The following UHRF2 variants were observed in gnomAD, a reference collection of about 807,000 sequenced individuals.
UHRF2 encodes the protein E3 ubiquitin-protein ligase UHRF2.
A neutral mutation model predicts 96.8 loss-of-function variants in UHRF2; 23 were observed. That is an observed-to-expected ratio of 0.24 (90% CI 0.17 to 0.34). The LOEUF (loss-of-function observed/expected upper bound fraction) is 0.34. Among genes scored for constraint, UHRF2 ranks in the 10% least tolerant of loss-of-function variants. The pLI is 1.00. For synonymous variants in UHRF2, 385 were observed against 332.6 expected (o/e 1.16, Z -1.72); for missense variants, 685 against 981.5 (o/e 0.70, Z 4.04).
chr9:6,504,011 A>C (rs1816444294), intron 14 of UHRF2, among the ~76,000 whole-genome samples: 1 of 146,930 alleles, frequency 6.8e-6, no homozygotes, highest in African/African-American at 2.6e-5. Flanking sequence ...TTTTAAATAG[A>C]AGACTTTTTT....
At chr9:6,484,935 A>G (rs1824177931) in intron 8 of UHRF2, among the ~76,000 whole-genome samples, 1 of 151,698 alleles carries the variant, frequency 6.6e-6, no homozygotes, top group Non-Finnish European at 1.5e-5. Context: ...CTGGTATTAC[A>G]GGTATACGTC....
At chr9:6,425,108 AAAGT>A (rs1820171472) in intron 2 of UHRF2, among the ~76,000 whole-genome samples, 1 of 152,190 alleles carries the variant, frequency 6.6e-6, no homozygotes, top group African/African-American at 2.4e-5. Context: ...TGTTGGAGAG[AAAGT>A]CACTGTACAG....
chr9:6,502,714 C>A (rs1816366320), intron 14 of UHRF2, among the ~76,000 whole-genome samples: 1 of 152,140 alleles, frequency 6.6e-6, no homozygotes, highest in Non-Finnish European at 1.5e-5. Flanking sequence ...TTGTAGCTAC[C>A]TGTAACTCAA....
chr9:6,468,605 T>C (rs2130870294), intron 4 of UHRF2: 2 of 455,670 alleles, frequency 4.4e-6, no homozygotes, highest in East Asian at 7.0e-5. Context: ...GTCAGCAGAG[T>C]TTTTGGCAGA....
chr9:6,487,176 T>TTATTTTTTATTTTTA (rs1563799186), intron 9 of UHRF2, among the ~76,000 whole-genome samples: 20 of 142,338 alleles, frequency 1.4e-4, no homozygotes, highest in African/African-American at 4.7e-4. Flanking sequence ...CTTTTATTTT[T>TTATTTTTTATTTTTA]TTTTCCTTTT....
chr9:6,483,821 C>A (rs1824078335), intron 8 of UHRF2, among the ~76,000 whole-genome samples: 2 of 152,158 alleles, frequency 1.3e-5, no homozygotes, highest in Admixed American at 6.5e-5. Context: ...TCCCAAGTAG[C>A]TGGGATTACA....
At chr9:6,491,022 G>A (rs1041311125) in intron 9 of UHRF2, among the ~76,000 whole-genome samples, 2 of 152,140 alleles carry the variant, frequency 1.3e-5, no homozygotes, top group Non-Finnish European at 2.9e-5. Flanking sequence ...TTCTGTCTGG[G>A]TGAATGGATG....
chr9:6,455,752 A>G (rs920445884), intron 3 of UHRF2, among the ~76,000 whole-genome samples: 2 of 151,208 alleles, frequency 1.3e-5, no homozygotes, highest in East Asian at 2.0e-4. Flanking sequence ...TGGGAGGCCA[A>G]GATGGGAGAA....
intron 2 of UHRF2, 80 bp from the exon 3 acceptor site, chr9:6,433,834 C>A: frequency 6.9e-7 from 1 of 1,458,626 alleles, no homozygotes; most frequent in Non-Finnish European, 9.3e-7. Flanking sequence ...TGATAACCCA[C>A]AAATAACTTG....
rs114735927 is a variant in UHRF2, at chr9:6,473,864, C to A, written c.864-1527C>A. On this transcript the variant is annotated intron_variant, in intron 4 of 15. Coordinates refer to ENST00000276893, the MANE Select transcript of UHRF2 (RefSeq NM_152896.3). ...ATCAGCTACCAATGTACAAGAAATGCGAATGACAGAAAAAACTGTTTAACC... is the reference window on the plus strand; with the variant it reads ...ATCAGCTACCAATGTACAAGAAATGAGAATGACAGAAAAAACTGTTTAACC... Among the ~76,000 whole-genome samples the A allele has an allele frequency of 6.0e-3, 911 of 152,122 alleles. 8 individuals are homozygous for A. Among genetic ancestry groups the A allele is most frequent in the African/African-American group, 0.021 (860 of 41,504 alleles).
At chr9:6,492,340 C>A in intron 9 of UHRF2, 1 of 1,234,500 alleles carries the variant, frequency 8.1e-7, no homozygotes, top group South Asian at 1.4e-5. Context: ...TGGAGTCTGT[C>A]CAGATACCGG....
intron 9 of UHRF2, among the ~76,000 whole-genome samples, chr9:6,487,751 C>G (rs916749190): frequency 6.6e-6 from 1 of 152,238 alleles, no homozygotes; most frequent in Non-Finnish European, 1.5e-5. Context: ...ATCTGCGCAC[C>G]TTGGCTTCCC....
intron 5 of UHRF2, among the ~76,000 whole-genome samples, chr9:6,476,875 G>A (rs1823606095): frequency 6.6e-6 from 1 of 152,140 alleles, no homozygotes; most frequent in Admixed American, 6.5e-5. Flanking sequence ...TTACAGGCAT[G>A]AGCCACCACG....
chr9:6,499,841 G>A lies in UHRF2; in HGVS notation c.1915G>A (p.Ala639Thr). The A allele has an allele frequency of 6.2e-7, 1 of 1,601,410 alleles. No individual in the cohort carries two copies. Among genetic ancestry groups the A allele is most frequent in the Non-Finnish European group, 8.5e-7 (1 of 1,173,826 alleles). Residue 639 changes from alanine to threonine, a missense_variant, in exon 13 of 16, where the codon GCA becomes ACA. Ala to Thr is a moderately conservative substitution (Grantham distance 58, BLOSUM62 0). Coordinates refer to ENST00000276893, the MANE Select transcript of UHRF2 (RefSeq NM_152896.3). ...RRLCLRLQYP[A>T]GYPSDKEGKK... is the part of the protein sequence containing the mutation. ...CCTCCTCCCCCCCCATCAGTATCCA[G>A]CAGGTTACCCTTCAGATAAAGAAGG...
At chr9:6,416,376 A>AG (rs1819600953) in intron 1 of UHRF2, among the ~76,000 whole-genome samples, 1 of 150,622 alleles carries the variant, frequency 6.6e-6, no homozygotes, top group Admixed American at 6.6e-5. Context: ...CCTTGACTCC[A>AG]CATTTGAGGG....
chr9:6,432,766 T>A (rs1173073802), intron 2 of UHRF2, among the ~76,000 whole-genome samples: 2 of 152,186 alleles, frequency 1.3e-5, no homozygotes, highest in Non-Finnish European at 2.9e-5. Context: ...TGATTTCATT[T>A]TTTCCTTTTT....
At chr9:6,488,047 C>T (rs1309502760) in intron 9 of UHRF2, among the ~76,000 whole-genome samples, 1 of 151,464 alleles carries the variant, frequency 6.6e-6, no homozygotes, top group African/African-American at 2.4e-5. Flanking sequence ...TCAAGACCAG[C>T]CTGGGCAACG....
chr9:6,434,218 T>G, intron 3 of UHRF2, 45 bp downstream of exon 3: 2 of 1,556,108 alleles, frequency 1.3e-6, no homozygotes, highest in South Asian at 1.2e-5. Context: ...TTTTCATTTG[T>G]AGAAACCAAA....
At chr9:6,489,728 G>GTT (rs34069701) in intron 9 of UHRF2, among the ~76,000 whole-genome samples, 140 of 114,720 alleles carry the variant, frequency 1.2e-3, no homozygotes, top group Middle Eastern at 4.8e-3. Flanking sequence ...TTGGGTTTTT[G>GTT]TTTTTTTTTT....
Sources: gnomAD v4.1 joint callset for allele counts (sites outside exome capture counted in the v4.1 genomes callset) on GRCh38, gnomAD v4.1.1 for gene constraint, MANE v1.5 for transcripts, NCBI Gene and HGNC (gene_info 2026-07-23, HGNC 2026-07-21) for gene names.